AGBL1: variants seen among roughly 807,000 people sequenced by gnomAD.
AGBL1 encodes the protein cytosolic carboxypeptidase 4.
Under a neutral mutation model 118.9 loss-of-function variants are expected in AGBL1, and 130 were observed. The observed-to-expected ratio is 1.09, with a 90% CI of 0.95 to 1.26. The LOEUF (loss-of-function observed/expected upper bound fraction) is 1.26, where lower values mean the gene tolerates loss of function less well. Ranked by LOEUF, AGBL1 falls within the 50% of genes most tolerant of loss-of-function variation. AGBL1 has a pLI of 0.00. For synonymous variants in AGBL1, 555 were observed against 478.9 expected (o/e 1.16, Z -2.08); for missense variants, 1,584 against 1,298.1 (o/e 1.22, Z -3.38).
intron 22 of AGBL1, among the ~76,000 whole-genome samples, chr15:86,872,751 G>A (rs940779729): frequency 1.5e-4 from 23 of 152,218 alleles, no homozygotes; most frequent in African/African-American, 2.9e-4. Flanking sequence ...GTGAGACTCC[G>A]TCTATAAATA....
chr15:86,762,985 C>G (rs750507032), intron 22 of AGBL1, among the ~76,000 whole-genome samples: 1 of 151,868 alleles, frequency 6.6e-6, no homozygotes, highest in Non-Finnish European at 1.5e-5. Context: ...AAATAGAGTC[C>G]AATGTCTATC....
chr15:86,346,589 T>A (rs2080541310), intron 17 of AGBL1, among the ~76,000 whole-genome samples: 1 of 152,034 alleles, frequency 6.6e-6, no homozygotes, highest in African/African-American at 2.4e-5. Context: ...GACCTCATGA[T>A]CCTACCACCT....
chr15:86,969,919 TAG>T (rs2081090376), intron 23 of AGBL1, among the ~76,000 whole-genome samples: 2 of 152,002 alleles, frequency 1.3e-5, no homozygotes, highest in East Asian at 1.9e-4. Flanking sequence ...TCAGCAAAAA[TAG>T]AGTTACTTGG....
In AGBL1 at chr15:86,556,623, A is replaced by C. The variant is rs1425328833; in HGVS notation, c.2994+2086A>C. ...TTGGGTGTTTTGGTGATTTTTGCGT[A>C]AGGTACATAATGCAGTCTATGAGCT... On this transcript the variant is annotated intron_variant, in intron 21 of 22. Transcript: ENST00000614907. 2.0e-5 allele frequency among the ~76,000 whole-genome samples: 3 copies of C among 152,188 alleles called. 1 individual carries two copies.
At chr15:86,663,880 A>G (rs767959101) in intron 21 of AGBL1, among the ~76,000 whole-genome samples, 35 of 151,988 alleles carry the variant, frequency 2.3e-4, no homozygotes, top group Non-Finnish European at 4.6e-4. Context: ...GCTTGATCAG[A>G]CTCTAGGCTA....
At chr15:86,105,258 C>T (rs866509864) in intron 1 of AGBL1, 1 of 152,208 alleles carries the variant, frequency 6.6e-6, no homozygotes, top group African/African-American at 2.4e-5. Flanking sequence ...TTCTGCTCTT[C>T]AATCACCCAA....
chr15:86,289,827 C>T (rs1033686690), intron 16 of AGBL1, among the ~76,000 whole-genome samples: 1 of 152,226 alleles, frequency 6.6e-6, no homozygotes, highest in African/African-American at 2.4e-5. Flanking sequence ...ATTTCCTAAT[C>T]ACATCTTCAA....
chr15:86,843,926 C>T (rs916047438), intron 22 of AGBL1, among the ~76,000 whole-genome samples: 2 of 152,186 alleles, frequency 1.3e-5, no homozygotes, highest in African/African-American at 4.8e-5. Context: ...CAGACAACTA[C>T]TAATCTTTAC....
intron 5 of AGBL1, among the ~76,000 whole-genome samples, chr15:86,164,254 G>C (rs1009876104): frequency 5.3e-5 from 8 of 152,148 alleles, no homozygotes; most frequent in African/African-American, 1.9e-4. Flanking sequence ...AAACTTTTCT[G>C]GGGGTGCTTT....
intron 1 of AGBL1, among the ~76,000 whole-genome samples, chr15:86,138,807 C>G (rs183671839): frequency 6.6e-6 from 1 of 152,156 alleles, no homozygotes; most frequent in Non-Finnish European, 1.5e-5. Flanking sequence ...TTTCCAAAGG[C>G]TTTTATGCCC....
In AGBL1 at chr15:86,908,640, A is replaced by C. The variant is rs2080311807; in HGVS notation, c.*1346A>C. The C allele has an allele frequency of 6.6e-6, 1 of 152,284 alleles. No homozygotes were observed. The highest frequency in any genetic ancestry group is 2.4e-5 in the African/African-American group (1 of 41,458). The allele number at this position is 152,284 out of a possible 1,614,324, so 9.4% of individuals were successfully genotyped here. On this transcript the variant is annotated 3_prime_UTR_variant, in exon 23 of 23. Coordinates refer to ENST00000614907, the MANE Select transcript of AGBL1 (RefSeq NM_001386094.1). ...GAGGAGCAGAATCTAGGAGGCTGGA[A>C]TCACTTAAAACAGGTGAAAATGGAG...
intron 17 of AGBL1, among the ~76,000 whole-genome samples, chr15:86,326,885 T>A (rs1365992722): frequency 6.6e-6 from 1 of 151,888 alleles, no homozygotes; most frequent in Non-Finnish European, 1.5e-5. Flanking sequence ...GAGCAGGAGG[T>A]AGAATGATGT....
intron 5 of AGBL1, among the ~76,000 whole-genome samples, chr15:86,164,297 G>A (rs150376355): frequency 0.016 from 2,488 of 152,298 alleles, 76 homozygotes; most frequent in African/African-American, 0.056. Flanking sequence ...ATGACACTGG[G>A]CCAGAGTGTG....
chr15:86,711,442 A>T (rs992021350), intron 22 of AGBL1, among the ~76,000 whole-genome samples: 1 of 152,176 alleles, frequency 6.6e-6, no homozygotes, highest in African/African-American at 2.4e-5. Context: ...TGCCAGCATT[A>T]TTGGGTGCTT....
chr15:86,573,094 A>G (rs74603319), intron 21 of AGBL1, among the ~76,000 whole-genome samples: 6,024 of 152,284 alleles, frequency 0.04, 245 homozygotes, highest in African/African-American at 0.099. Flanking sequence ...TGTTTCATCA[A>G]TTAGTCAACA....
chr15:86,868,790 T>C (rs867154965), intron 22 of AGBL1, among the ~76,000 whole-genome samples: 1 of 152,164 alleles, frequency 6.6e-6, no homozygotes, highest in Non-Finnish European at 1.5e-5. Context: ...CTAGTAGATA[T>C]TGGTGGGGTG....
At chr15:86,722,667 TAAACTA>T (rs1370313233) in intron 22 of AGBL1, among the ~76,000 whole-genome samples, 2 of 152,130 alleles carry the variant, frequency 1.3e-5, no homozygotes, top group Non-Finnish European at 2.9e-5. Context: ...GGGATCTAAT[TAAACTA>T]AAGAGCTTCT....
chr15:86,704,481 AT>A (rs2086413803), intron 22 of AGBL1, among the ~76,000 whole-genome samples: 2 of 152,338 alleles, frequency 1.3e-5, no homozygotes, highest in South Asian at 4.1e-4. Context: ...GGCAAAGGAT[AT>A]GAACAGACAC....
chr15:86,609,758 A>G (rs941033893), intron 21 of AGBL1, among the ~76,000 whole-genome samples: 2 of 152,194 alleles, frequency 1.3e-5, no homozygotes, highest in South Asian at 2.1e-4. Context: ...GGGGGGAAAA[A>G]GATTTGTAAA....
Sources: allele counts gnomAD v4.1 joint callset (sites outside exome capture counted in the v4.1 genomes callset), GRCh38; gene constraint gnomAD v4.1.1; transcripts MANE v1.5; gene names NCBI Gene and HGNC (gene_info 2026-07-23, HGNC 2026-07-21).